The following CNTNAP3B variants were observed in gnomAD, a reference collection of about 807,000 sequenced individuals.
The protein encoded by CNTNAP3B is contactin-associated protein-like 3B.
A neutral mutation model predicts 108.9 loss-of-function variants in CNTNAP3B; 25 were observed. The observed-to-expected ratio is 0.23, with a 90% CI of 0.17 to 0.32. CNTNAP3B has a LOEUF of 0.32. Ranked by LOEUF, CNTNAP3B falls within the 10% of genes least tolerant of loss-of-function variation. CNTNAP3B has a pLI of 1.00. For missense variants in CNTNAP3B, 252 were observed against 1,210.4 expected, an observed-to-expected ratio of 0.21 and a Z score of 11.75; for synonymous variants, 103 against 473.4, an observed-to-expected ratio of 0.22 and a Z score of 10.16.
At chr9:41,960,543 G>A (rs1402522428) in intron 12 of CNTNAP3B, among the ~76,000 whole-genome samples, 3 of 152,266 alleles carry the variant, frequency 2.0e-5, no homozygotes, top group Admixed American at 2.0e-4. Flanking sequence ...TATGAGGAGT[G>A]TAGGAGCTAG....
chr9:42,096,422 A>G (rs1827901785), intron 2 of CNTNAP3B, among the ~76,000 whole-genome samples: 1 of 139,744 alleles, frequency 7.2e-6, no homozygotes, highest in South Asian at 2.3e-4. Context: ...TCAGACCAAA[A>G]GATGCTTTTG....
chr9:41,918,950 TTA>T (rs1310313619), intron 18 of CNTNAP3B, among the ~76,000 whole-genome samples: 1 of 151,114 alleles, frequency 6.6e-6, no homozygotes, highest in Non-Finnish European at 1.5e-5. Flanking sequence ...GTCACACAAT[TTA>T]TAGTGATTAA....
intron 2 of CNTNAP3B, among the ~76,000 whole-genome samples, chr9:42,095,025 C>T (rs1827872100): frequency 8.4e-6 from 1 of 119,182 alleles, no homozygotes; most frequent in Non-Finnish European, 1.8e-5. Context: ...ATTCTTTTAG[C>T]GGTGAGAATA....
chr9:42,013,980 A>G (rs1826178562), intron 3 of CNTNAP3B, among the ~76,000 whole-genome samples: 1 of 99,030 alleles, frequency 1.0e-5, no homozygotes, highest in African/African-American at 4.2e-5. Flanking sequence ...CCAGCCCCAC[A>G]CCCTTAATTT....
At position 42,112,308 on chromosome 9, in the gene CNTNAP3B, A is replaced by G. The variant is rs1050655543; in HGVS notation, c.86-7569T>C. 2.1e-5 allele frequency among the ~76,000 whole-genome samples: 3 copies of G among 139,682 alleles called. 1 individual carries two copies. The highest frequency in any genetic ancestry group is 1.4e-4 in the Admixed American group (2 of 14,090). 91.6% of individuals were successfully genotyped at this position (139,682 alleles called of 152,430 possible). A position where few individuals can be genotyped will look rare whatever the true frequency, so the allele number is the denominator to read the frequency against. On this transcript the variant is annotated intron_variant, in intron 1 of 23. Transcript: ENST00000377561. The stretch of plus-strand genomic sequence containing the variant: ...CCAGTAAGGCTTACTCTTCTGAAAT[A>G]CTGAGGTCTGTCTCATGGAAAATGA...
rs561977982 is a variant in CNTNAP3B, at chr9:42,071,657, T to C, written c.390+5212A>G. On this transcript the variant is annotated intron_variant, in intron 3 of 23. Transcript: ENST00000377561. ...AAGATGGGATGTGAAGCTGTGGCAATGGTCCAGGTAAGAGATGGTGGGCAA... is the reference window on the plus strand; with the variant it reads ...AAGATGGGATGTGAAGCTGTGGCAACGGTCCAGGTAAGAGATGGTGGGCAA... 3.7e-5 allele frequency among the ~76,000 whole-genome samples: 5 copies of C among 136,156 alleles called. No homozygotes were observed. The South Asian group carries it at 1.2e-3, about 32-fold the overall frequency. The allele number at this position is 136,156 out of a possible 152,430, so 89.3% of individuals were successfully genotyped here.
chr9:41,930,863 T>C (rs1823957316), intron 14 of CNTNAP3B, among the ~76,000 whole-genome samples: 1 of 152,222 alleles, frequency 6.6e-6, no homozygotes, highest in African/African-American at 2.4e-5. Flanking sequence ...TTATTATATA[T>C]GTGTATGTAA....
chr9:41,928,656 A>T (rs1240511230), intron 15 of CNTNAP3B, among the ~76,000 whole-genome samples: 1 of 152,258 alleles, frequency 6.6e-6, no homozygotes, highest in African/African-American at 2.4e-5. Flanking sequence ...GGAAATAAAA[A>T]TACATTTAGT....
intron 13 of CNTNAP3B, among the ~76,000 whole-genome samples, chr9:41,940,586 G>A (rs1356330545): frequency 2.0e-5 from 3 of 152,388 alleles, no homozygotes; most frequent in Non-Finnish European, 4.4e-5. Flanking sequence ...TTCGGAGGCC[G>A]AGGTGGGCGG....
intron 11 of CNTNAP3B, among the ~76,000 whole-genome samples, chr9:41,961,839 A>G (rs868081671): frequency 3.3e-5 from 5 of 152,308 alleles, no homozygotes; most frequent in African/African-American, 7.2e-5. Flanking sequence ...GTGCAAGTAA[A>G]TGTTTTACCA....
chr9:42,118,035 T>C (rs1828361764), intron 1 of CNTNAP3B, among the ~76,000 whole-genome samples: 1 of 131,790 alleles, frequency 7.6e-6, no homozygotes, highest in Non-Finnish European at 1.6e-5. Flanking sequence ...CAATAAGTAA[T>C]AGCTTAACAA....
At chr9:42,075,446 G>A (rs1337127136) in intron 3 of CNTNAP3B, among the ~76,000 whole-genome samples, 2 of 137,386 alleles carry the variant, frequency 1.5e-5, no homozygotes, top group South Asian at 2.4e-4. Context: ...AGCTCAACAC[G>A]CTCCTACACG....
intron 14 of CNTNAP3B, among the ~76,000 whole-genome samples, chr9:41,933,636 A>C (rs1439039965): frequency 6.6e-6 from 1 of 152,290 alleles, no homozygotes; most frequent in African/African-American, 2.4e-5. Flanking sequence ...CAGCAAACTT[A>C]CTGAACTCTC....
rs550167075 is a variant in CNTNAP3B at position 42,047,426 on chromosome 9, C to G, written c.390+29443G>C. Among the ~76,000 whole-genome samples, 5 of 128,692 alleles carry G rather than the reference C, an allele frequency of 3.9e-5. 1 individual carries two copies. Among genetic ancestry groups the G allele is most frequent in the African/African-American group, 6.3e-5 (2 of 31,688 alleles). The allele number at this position is 128,692 out of a possible 152,430, so 84.4% of individuals were successfully genotyped here. On this transcript the variant is annotated intron_variant, in intron 3 of 23. Transcript: ENST00000377561. ...AAAGCAAAACCAAAGCAAATTCAAT[C>G]CCAAATTAAGTTTAAATGGGAAGAT... is the stretch of plus-strand genomic sequence containing the variant.
At chr9:41,925,602 CAAACAAACA>C (rs1349953600) in intron 15 of CNTNAP3B, among the ~76,000 whole-genome samples, 17 of 152,160 alleles carry the variant, frequency 1.1e-4, no homozygotes, top group African/African-American at 3.9e-4. Context: ...CAAAAACAAA[CAAACAAACA>C]AACCAAGAAA....
At chr9:41,956,017 G>A (rs1444523635) in intron 12 of CNTNAP3B, among the ~76,000 whole-genome samples, 4 of 152,214 alleles carry the variant, frequency 2.6e-5, no homozygotes, top group Admixed American at 6.5e-5. Context: ...CTAACACAAT[G>A]CCTATTTTAT....
At chr9:41,964,169 T>C (rs1274282278) in intron 11 of CNTNAP3B, among the ~76,000 whole-genome samples, 30 of 152,286 alleles carry the variant, frequency 2.0e-4, no homozygotes, top group Non-Finnish European at 2.5e-4. Context: ...TTTCCACCTT[T>C]CTTTGACTGA....
At chr9:41,947,920 A>G (rs1467614085) in intron 13 of CNTNAP3B, among the ~76,000 whole-genome samples, 1 of 152,060 alleles carries the variant, frequency 6.6e-6, no homozygotes, top group Non-Finnish European at 1.5e-5. Flanking sequence ...GACAATTCAG[A>G]TTAATGGACA....
chr9:42,029,913 T>A (rs112123710), intron 3 of CNTNAP3B, among the ~76,000 whole-genome samples: 1 of 27,116 alleles, frequency 3.7e-5, no homozygotes, highest in Non-Finnish European at 8.1e-5. Context: ...GAGGCTGAGG[T>A]GGGTGGATCA....
Sources: gnomAD v4.1 joint callset for allele counts (sites outside exome capture counted in the v4.1 genomes callset) on GRCh38, gnomAD v4.1.1 for gene constraint, MANE v1.5 for transcripts, NCBI Gene and HGNC (gene_info 2026-07-23, HGNC 2026-07-21) for gene names.